The following CACNA2D3 variants were observed in gnomAD, a reference collection of about 807,000 sequenced individuals.
The protein encoded by CACNA2D3 is voltage-dependent calcium channel subunit alpha-2/delta-3.
A neutral mutation model predicts 160.6 loss-of-function variants in CACNA2D3; 60 were observed. That is an observed-to-expected ratio of 0.37 (90% CI 0.30 to 0.46). The LOEUF (loss-of-function observed/expected upper bound fraction) is 0.46. CACNA2D3 is among the 20% of genes least tolerant of loss of function. The pLI is 1.00. For synonymous variants in CACNA2D3, 558 were observed against 492.9 expected (o/e 1.13, Z -1.75); for missense variants, 1,205 against 1,365.0 (o/e 0.88, Z 1.85).
chr3:54,549,994 T>C (rs1462217623), intron 5 of CACNA2D3, among the ~76,000 whole-genome samples: 1 of 152,240 alleles, frequency 6.6e-6, no homozygotes, highest in Non-Finnish European at 1.5e-5. Context: ...TGCTAAATGA[T>C]GACAGCTGTG....
intron 5 of CACNA2D3, among the ~76,000 whole-genome samples, chr3:54,543,736 T>C (rs1702019334): frequency 6.6e-6 from 1 of 152,234 alleles, no homozygotes; most frequent in Admixed American, 6.5e-5. Context: ...AAAAATACTC[T>C]TGCATTTTCT....
intron 27 of CACNA2D3, among the ~76,000 whole-genome samples, chr3:54,937,796 C>T (rs1301751391): frequency 2.0e-5 from 3 of 152,000 alleles, no homozygotes; most frequent in African/African-American, 4.8e-5. Context: ...GATGGCACAG[C>T]ATCTTAGGGA....
At chr3:54,575,820 A>AG (rs1702571441) in intron 8 of CACNA2D3, among the ~76,000 whole-genome samples, 1 of 152,152 alleles carries the variant, frequency 6.6e-6, no homozygotes, top group Non-Finnish European at 1.5e-5. Context: ...GGAGAGAAGG[A>AG]GGAAGGAGTC....
At chr3:54,789,097 G>A (rs1702695031) in intron 13 of CACNA2D3, among the ~76,000 whole-genome samples, 1 of 151,984 alleles carries the variant, frequency 6.6e-6, no homozygotes, top group Admixed American at 6.6e-5. Flanking sequence ...TATATGTCAA[G>A]AATATTTCTA....
At chr3:54,719,397 C>T (rs941493727) in intron 11 of CACNA2D3, among the ~76,000 whole-genome samples, 5 of 151,754 alleles carry the variant, frequency 3.3e-5, no homozygotes, top group Admixed American at 6.6e-5. Flanking sequence ...TTGTCGAGTG[C>T]TTGTGCACCT....
Position 54,842,653 on chromosome 3 carries a change from T to C in CACNA2D3, c.1552-3740T>C, listed in dbSNP as rs149034486. Among the ~76,000 whole-genome samples the C allele has an allele frequency of 8.9e-3, 1,344 of 150,498 alleles. 27 individuals are homozygous for C. Among genetic ancestry groups the C allele is most frequent in the African/African-American group, 0.032 (1,296 of 40,962 alleles). On this transcript the variant is annotated intron_variant, in intron 16 of 37. Transcript: ENST00000474759. ...TCTGGCTCTGTCACCCAGGCTGGAGTACCGTGGCACGATCTTGGCTCACTG... is the reference window on the plus strand; with the variant it reads ...TCTGGCTCTGTCACCCAGGCTGGAGCACCGTGGCACGATCTTGGCTCACTG...
intron 2 of CACNA2D3, among the ~76,000 whole-genome samples, chr3:54,314,439 A>G (rs1703817691): frequency 6.6e-6 from 1 of 152,210 alleles, no homozygotes; most frequent in Admixed American, 6.5e-5. Context: ...GGATTGCTGG[A>G]TCAAATGGTA....
intron 12 of CACNA2D3, among the ~76,000 whole-genome samples, chr3:54,763,754 TATAC>T (rs1369846042): frequency 1.8e-5 from 1 of 56,050 alleles, no homozygotes; most frequent in African/African-American, 4.6e-5. Context: ...TGTGCATATA[TATAC>T]ACATATATAT....
At chr3:54,291,342 A>G (rs1460689791) in intron 2 of CACNA2D3, among the ~76,000 whole-genome samples, 2 of 152,228 alleles carry the variant, frequency 1.3e-5, no homozygotes, top group African/African-American at 4.8e-5. Flanking sequence ...TTAAAATGGC[A>G]TGTCCATATG....
chr3:54,558,059 A>G (rs1702266747), intron 5 of CACNA2D3, among the ~76,000 whole-genome samples: 1 of 152,170 alleles, frequency 6.6e-6, no homozygotes, highest in Non-Finnish European at 1.5e-5. Context: ...AAAGGTGTAG[A>G]CAGCTGTGGA....
chr3:54,618,374 T>TATATATACAC, intron 9 of CACNA2D3, among the ~76,000 whole-genome samples: 30 of 54,560 alleles, frequency 5.5e-4, no homozygotes, highest in South Asian at 1.4e-3. Flanking sequence ...TATATATATA[T>TATATATACAC]GCACACACAC....
chr3:54,981,878 G>T (rs1457307585), intron 29 of CACNA2D3, among the ~76,000 whole-genome samples: 1 of 152,204 alleles, frequency 6.6e-6, no homozygotes, highest in African/African-American at 2.4e-5. Context: ...CTCTGGGCAA[G>T]ATGGTGGCCC....
chr3:54,959,385 C>G (rs1013464681), intron 27 of CACNA2D3, among the ~76,000 whole-genome samples: 1 of 152,170 alleles, frequency 6.6e-6, no homozygotes, highest in South Asian at 2.1e-4. Flanking sequence ...TAACATGAAC[C>G]TGACAGTCAG....
At chr3:54,442,305 C>A (rs1575457108) in intron 4 of CACNA2D3, among the ~76,000 whole-genome samples, 1 of 152,158 alleles carries the variant, frequency 6.6e-6, no homozygotes, top group East Asian at 1.9e-4. Context: ...CTAGAGAATG[C>A]TTCTTCCATC....
At chr3:54,795,381 T>C (rs1702847133) in intron 13 of CACNA2D3, among the ~76,000 whole-genome samples, 1 of 151,960 alleles carries the variant, frequency 6.6e-6, no homozygotes, top group African/African-American at 2.4e-5. Context: ...TCTGTGTATA[T>C]GTTACCTATT....
intron 32 of CACNA2D3, among the ~76,000 whole-genome samples, chr3:55,007,098 A>G (rs1703113731): frequency 1.3e-5 from 2 of 152,206 alleles, no homozygotes; most frequent in South Asian, 4.1e-4. Flanking sequence ...AATTCAGGAA[A>G]TTGAATTATC....
At chr3:54,875,246 C>T (rs1020047157) in intron 18 of CACNA2D3, 1 of 152,202 alleles carries the variant, frequency 6.6e-6, no homozygotes, top group African/African-American at 2.4e-5. Flanking sequence ...TCCCCCACCC[C>T]CTCCAAACCC....
chr3:54,984,561 G>A (rs572689138), intron 29 of CACNA2D3, 47 bp from the exon 30 acceptor site: 53 of 1,122,354 alleles, frequency 4.7e-5, no homozygotes, highest in South Asian at 9.8e-5. Flanking sequence ...GTGATGGCCC[G>A]AAGTTGAAGC....
intron 15 of CACNA2D3, among the ~76,000 whole-genome samples, chr3:54,838,263 T>C (rs749458817): frequency 6.6e-6 from 1 of 152,228 alleles, no homozygotes; most frequent in Non-Finnish European, 1.5e-5. Context: ...GAAACTCTTG[T>C]GTTTCTTCAA....
Sources: gnomAD v4.1 joint callset for allele counts (sites outside exome capture counted in the v4.1 genomes callset) on GRCh38, gnomAD v4.1.1 for gene constraint, MANE v1.5 for transcripts, NCBI Gene and HGNC (gene_info 2026-07-23, HGNC 2026-07-21) for gene names.